Variants in PAK3 observed in about 807,000 individuals in gnomAD.
PAK3 encodes the protein p21 (RAC1) activated kinase 3, also known as serine/threonine-protein kinase PAK 3.
In PAK3, 4 loss-of-function variants were observed where a neutral mutation model predicts 41.0. The ratio of observed to expected loss-of-function variants is 0.10; its 90% CI spans 0.05 to 0.22. The LOEUF is 0.22. Ranked by LOEUF, PAK3 falls within the 10% of genes least tolerant of loss-of-function variation. The pLI is 1.00. For synonymous variants in PAK3, 146 were observed against 139.6 expected (o/e 1.05, Z -0.32); for missense variants, 205 against 409.9 (o/e 0.50, Z 4.32).
chrX:111,054,082 G>A (rs6567934), intron 1 of PAK3, among the ~76,000 whole-genome samples: 5,188 of 111,426 alleles, frequency 0.047, 293 homozygotes, highest in African/African-American at 0.16. Flanking sequence ...CCAATACAAC[G>A]AAGCAGGCCC....
chrX:111,073,549 AAAC>A (rs2092762164), intron 1 of PAK3, among the ~76,000 whole-genome samples: 1 of 112,120 alleles, frequency 8.9e-6, no homozygotes, highest in Admixed American at 9.5e-5. Context: ...GACTAAATAA[AAAC>A]AAATGATCAT....
rs188171707 is a variant in PAK3, at chrX:111,081,996, T to C, written c.-27-41081T>C. 1.4e-3 allele frequency among the ~76,000 whole-genome samples: 155 copies of C among 111,811 alleles called. 2 individuals are homozygous for C. In the East Asian group the frequency reaches 0.04, roughly 29 times the overall value. On this transcript the variant is annotated intron_variant, in intron 1 of 14. Transcript: ENST00000425146. The stretch of plus-strand genomic sequence containing the variant: ...ATTTAATTGATTTTACATTTTAAAA[T>C]TGATAATACATTTTAAAGACAAAAA...
chrX:111,130,123 G>A (rs2093697949), intron 5 of PAK3, among the ~76,000 whole-genome samples: 1 of 111,971 alleles, frequency 8.9e-6, no homozygotes, highest in Non-Finnish European at 1.9e-5. Flanking sequence ...AGAGGGAGAT[G>A]AGTAAGAGGT....
chrX:111,046,151 G>A (rs759015452), intron 1 of PAK3, among the ~76,000 whole-genome samples: 4 of 111,797 alleles, frequency 3.6e-5, no homozygotes, highest in Non-Finnish European at 7.5e-5. Context: ...TTTTCTGAGT[G>A]CTTACTATTT....
At chrX:110,968,098 C>A (rs2091120148) in intron 1 of PAK3, among the ~76,000 whole-genome samples, 1 of 112,482 alleles carries the variant, frequency 8.9e-6, no homozygotes, top group South Asian at 3.7e-4. Context: ...CTTTTTGAGA[C>A]TAGCTATTTT....
rs747311565 is a variant in PAK3, at chrX:110,988,374, C to T, written c.-28+43746C>T. On this transcript the variant is annotated intron_variant, in intron 1 of 14. Transcript: ENST00000425146. ...GAATGGAATGGGAAATAACAGGGTA[C>T]ACTGCACACAGTAAGGGTAAATATT... 2.1e-4 allele frequency among the ~76,000 whole-genome samples: 23 copies of T among 111,819 alleles called. 1 individual carries two copies. The highest frequency in any genetic ancestry group is 3.4e-4 in the Non-Finnish European group (18 of 53,197).
In PAK3 at chrX:110,961,324, C is replaced by T. The variant is rs558938746; in HGVS notation, c.-28+16696C>T. Among the ~76,000 whole-genome samples, 9 of 111,881 alleles carry T rather than the reference C, an allele frequency of 8.0e-5. No individual in the cohort carries two copies. In the South Asian group the frequency reaches 2.7e-3, roughly 33 times the overall value. ...ATTGCTTGGAAATCTTACAAAGTGACGTTAGTAAGCTACATGTCACTTTTC... is the reference window on the plus strand; with the variant it reads ...ATTGCTTGGAAATCTTACAAAGTGATGTTAGTAAGCTACATGTCACTTTTC... On this transcript the variant is annotated intron_variant, in intron 1 of 14. Coordinates refer to the PAK3 transcript ENST00000425146.
intron 5 of PAK3, among the ~76,000 whole-genome samples, chrX:111,140,661 A>G (rs762670675): frequency 9.0e-6 from 1 of 111,601 alleles, no homozygotes; most frequent in East Asian, 2.8e-4. Flanking sequence ...TATTTTTTCA[A>G]AATGAATCCT....
At chrX:111,190,163 A>T (rs1603370942) in intron 11 of PAK3, among the ~76,000 whole-genome samples, 2 of 110,942 alleles carry the variant, frequency 1.8e-5, no homozygotes, top group Non-Finnish European at 3.8e-5. Flanking sequence ...ATTAAGTGTG[A>T]TTTTTCAGCC....
At chrX:111,151,680 G>A (rs907957501) in intron 7 of PAK3, among the ~76,000 whole-genome samples, 2 of 111,765 alleles carry the variant, frequency 1.8e-5, no homozygotes, top group Non-Finnish European at 3.8e-5. Context: ...CTACTTACCT[G>A]TGATAAAGTT....
At chrX:111,079,282 A>G (rs756172444) in intron 1 of PAK3, among the ~76,000 whole-genome samples, 1 of 112,281 alleles carries the variant, frequency 8.9e-6, no homozygotes, top group South Asian at 3.7e-4. Flanking sequence ...AAAGATTCAA[A>G]GGACAGGCTG....
intron 16 of PAK3, among the ~76,000 whole-genome samples, chrX:111,196,860 T>TC (rs1490326921): frequency 9.3e-6 from 1 of 107,818 alleles, no homozygotes; most frequent in East Asian, 2.8e-4. Flanking sequence ...CTTTCTTTTT[T>TC]TTTTTTTTTT....
Position 111,196,697 on chromosome X carries a change from T to C in PAK3, c.1407+57T>C, listed in dbSNP as rs765352289. ...CCCAGGAAAGAGGAAAGGCCAAATA[T>C]CATTTCTGGCTTCCACCAAAAGTGA... On this transcript the variant is annotated intron_variant, in intron 16 of 17. Transcript: ENST00000372007. 18 of 876,870 alleles carry C rather than the reference T, an allele frequency of 2.1e-5. No homozygotes were observed. The African/African-American group carries it at 3.2e-4, about 15-fold the overall frequency. The allele number at this position is 876,870 out of a possible 1,213,427, so 72.3% of individuals were successfully genotyped here.
intron 11 of PAK3, among the ~76,000 whole-genome samples, chrX:111,184,387 T>C (rs1454850495): frequency 2.7e-5 from 3 of 109,851 alleles, no homozygotes; most frequent in African/African-American, 1.0e-4. Flanking sequence ...CCTATAGTGC[T>C]GCGTGACACT....
chrX:111,123,597 C>T (rs1191705710), intron 5 of PAK3, among the ~76,000 whole-genome samples: 2 of 112,411 alleles, frequency 1.8e-5, no homozygotes, highest in Non-Finnish European at 3.8e-5. Flanking sequence ...GTAGAATTTA[C>T]AATAATCCCT....
chrX:111,043,332 T>G (rs2092469539), intron 1 of PAK3, among the ~76,000 whole-genome samples: 1 of 110,132 alleles, frequency 9.1e-6, no homozygotes, highest in African/African-American at 3.3e-5. Flanking sequence ...AAGCAGAGGA[T>G]GTCATAGTCT....
chrX:111,067,386 A>AT (rs1009557905), intron 1 of PAK3, among the ~76,000 whole-genome samples: 17 of 111,261 alleles, frequency 1.5e-4, no homozygotes, highest in African/African-American at 4.9e-4. Flanking sequence ...TATTTTTCTC[A>AT]TTTTTTGTGG....
At position 111,205,343 on chromosome X, in the gene PAK3, C is replaced by T. The variant is rs138192010; in HGVS notation, c.1407+8703C>T. 6.7e-3 allele frequency among the ~76,000 whole-genome samples: 738 copies of T among 110,657 alleles called. 18 individuals are homozygous for T. Among genetic ancestry groups the T allele is most frequent in the Admixed American group, 0.053 (549 of 10,270 alleles). Reference sequence around the variant, plus strand: ...ATTTTCTTAAATAAGGCTAAAAACTCGTGAGTCCCTTACTCTGATTCTGTG... The same window carrying T: ...ATTTTCTTAAATAAGGCTAAAAACTTGTGAGTCCCTTACTCTGATTCTGTG... On this transcript the variant is annotated intron_variant, in intron 16 of 17. Transcript: ENST00000372007.
intron 4 of PAK3, among the ~76,000 whole-genome samples, chrX:111,112,273 G>A (rs759768748): frequency 4.3e-4 from 47 of 108,571 alleles, no homozygotes; most frequent in African/African-American, 1.5e-3. Flanking sequence ...CTTAATACAC[G>A]TTGCTGCTTG....
Sources: gnomAD v4.1 joint callset for allele counts (sites outside exome capture counted in the v4.1 genomes callset) on GRCh38, gnomAD v4.1.1 for gene constraint, MANE v1.5 for transcripts, NCBI Gene and HGNC (gene_info 2026-07-23, HGNC 2026-07-21) for gene names.